The following TRIO variants were observed in gnomAD, a reference collection of about 807,000 sequenced individuals.
TRIO encodes trio Rho guanine nucleotide exchange factor.
In TRIO, 58 loss-of-function variants were observed where a neutral mutation model predicts 351.9. The ratio of observed to expected loss-of-function variants is 0.16; its 90% CI spans 0.13 to 0.21. The LOEUF (loss-of-function observed/expected upper bound fraction) is 0.21. TRIO is among the 10% of genes least tolerant of loss of function. The pLI is 1.00. For synonymous variants in TRIO, 1,758 were observed against 1,595.7 expected (o/e 1.10, Z -2.42); for missense variants, 3,201 against 4,027.8 (o/e 0.79, Z 5.56).
chr5:14,508,464 C>G lies in TRIO; in HGVS notation c.*42C>G. 1 of 1,541,174 alleles carries G rather than the reference C, an allele frequency of 6.5e-7. No individual in the cohort carries two copies. Among genetic ancestry groups the G allele is most frequent in the Non-Finnish European group, 8.7e-7 (1 of 1,144,706 alleles). ...TTCTCATTCTCTTTCACCTGCCAATCAGCTGTTAATCTGAATTTTCAAGAG... is the reference window on the plus strand; with the variant it reads ...TTCTCATTCTCTTTCACCTGCCAATGAGCTGTTAATCTGAATTTTCAAGAG... On this transcript the variant is annotated 3_prime_UTR_variant, in exon 57 of 57. Transcript: ENST00000344204.
At position 14,494,318 on chromosome 5, in the gene TRIO, G is replaced by A. The variant is rs1471716533; in HGVS notation, c.7880+1504G>A. On this transcript the variant is annotated intron_variant, in intron 49 of 56. Transcript: ENST00000344204. ...CTGCTGTGGTAGAGGCATCTACTCTGCCTGTGCTCTAGAAATGGAACAACA... is the reference window on the plus strand; with the variant it reads ...CTGCTGTGGTAGAGGCATCTACTCTACCTGTGCTCTAGAAATGGAACAACA... Among the ~76,000 whole-genome samples the A allele has an allele frequency of 2.0e-5, 3 of 152,166 alleles. No individual in the cohort carries two copies. In the South Asian group the frequency reaches 6.2e-4, roughly 32 times the overall value.
chr5:14,179,962 G>A (rs927631565), intron 1 of TRIO, among the ~76,000 whole-genome samples: 15 of 151,850 alleles, frequency 9.9e-5, no homozygotes, highest in African/African-American at 2.9e-4. Context: ...TTAGCTGGGC[G>A]TGGTGGCACG....
chr5:14,331,888 G>A (rs1016259784), intron 10 of TRIO, among the ~76,000 whole-genome samples: 9 of 152,184 alleles, frequency 5.9e-5, no homozygotes, highest in Non-Finnish European at 1.0e-4. Flanking sequence ...AATAGCCATC[G>A]TGCATTTTCA....
chr5:14,246,423 G>A lies in TRIO; in HGVS notation c.158-24402G>A, dbSNP rs140061420. 4.4e-4 allele frequency among the ~76,000 whole-genome samples: 67 copies of A among 152,288 alleles called. 1 individual carries two copies. The East Asian group carries it at 0.01, about 24-fold the overall frequency. On this transcript the variant is annotated intron_variant, in intron 1 of 56. Coordinates refer to ENST00000344204, the MANE Select transcript of TRIO (RefSeq NM_007118.4). ...ACCTCTTTACTGGAACTTGGAAAGC[G>A]CAGCCAGGAATAGGCTTCACTTTCC...
intron 3 of TRIO, among the ~76,000 whole-genome samples, chr5:14,282,502 TATTC>T (rs1212264978): frequency 6.6e-6 from 1 of 152,112 alleles, no homozygotes; most frequent in Admixed American, 6.5e-5. Context: ...TATTAAAAAT[TATTC>T]ATTTAATTGA....
intron 48 of TRIO, chr5:14,489,043 G>GC (rs1381610880): frequency 1.3e-6 from 1 of 765,274 alleles, no homozygotes; most frequent in East Asian, 2.4e-5. Flanking sequence ...AGATGGCCTG[G>GC]CCCGTAACAC....
At chr5:14,283,669 T>G (rs1736199993) in intron 3 of TRIO, among the ~76,000 whole-genome samples, 1 of 152,218 alleles carries the variant, frequency 6.6e-6, no homozygotes, top group Non-Finnish European at 1.5e-5. Flanking sequence ...CTAGATTGTC[T>G]GGGTCCGGCA....
intron 28 of TRIO, among the ~76,000 whole-genome samples, chr5:14,395,333 A>C (rs1001506973): frequency 2.0e-5 from 3 of 152,194 alleles, no homozygotes. Flanking sequence ...TTCATATTCA[A>C]ATTTGTCCTT....
At chr5:14,345,571 T>A (rs1023952033) in intron 11 of TRIO, among the ~76,000 whole-genome samples, 1 of 151,990 alleles carries the variant, frequency 6.6e-6, no homozygotes, top group East Asian at 1.9e-4. Context: ...AATAGCCCTG[T>A]TTTTTTTGAG....
chr5:14,427,601 A>T (rs1041009206), intron 34 of TRIO, among the ~76,000 whole-genome samples: 7 of 152,184 alleles, frequency 4.6e-5, no homozygotes, highest in Non-Finnish European at 8.8e-5. Context: ...GGCAGTTGAC[A>T]GAGGGATGCC....
At chr5:14,285,084 C>G (rs766869906) in intron 3 of TRIO, among the ~76,000 whole-genome samples, 9 of 152,148 alleles carry the variant, frequency 5.9e-5, no homozygotes, top group Non-Finnish European at 1.0e-4. Flanking sequence ...CCATTTGCCT[C>G]TAGGTTTCAT....
chr5:14,424,601 A>C (rs1750482672), intron 34 of TRIO, among the ~76,000 whole-genome samples: 1 of 152,198 alleles, frequency 6.6e-6, no homozygotes, highest in Non-Finnish European at 1.5e-5. Context: ...AATCTGTGCC[A>C]AAAACAGTCC....
At chr5:14,478,838 T>C (rs895236001) in intron 41 of TRIO, among the ~76,000 whole-genome samples, 3 of 151,500 alleles carry the variant, frequency 2.0e-5, no homozygotes, top group African/African-American at 7.3e-5. Context: ...GATGCACATC[T>C]GTAATCCTAG....
At chr5:14,144,347 C>T (rs1239484715) in intron 1 of TRIO, among the ~76,000 whole-genome samples, 2 of 152,196 alleles carry the variant, frequency 1.3e-5, no homozygotes. Context: ...GTGCCTGTCT[C>T]TGGCTGATTT....
At chr5:14,447,619 G>A (rs1216782110) in intron 34 of TRIO, among the ~76,000 whole-genome samples, 2 of 152,128 alleles carry the variant, frequency 1.3e-5, no homozygotes, top group Non-Finnish European at 2.9e-5. Context: ...AAAAATCTGC[G>A]TATAGCCCCC....
In TRIO at chr5:14,318,482, C is replaced by G. The variant is rs115570248; in HGVS notation, c.1731+1739C>G. On this transcript the variant is annotated intron_variant, in intron 9 of 56. Coordinates refer to ENST00000344204, the MANE Select transcript of TRIO (RefSeq NM_007118.4). ...AAAAAAAAAAAAAAAGACTGAATGGCCCTGTAATTTTTAATTTTCATATAC... is the reference window on the plus strand; with the variant it reads ...AAAAAAAAAAAAAAAGACTGAATGGGCCTGTAATTTTTAATTTTCATATAC... 6.9e-3 allele frequency among the ~76,000 whole-genome samples: 1,049 copies of G among 150,990 alleles called. 16 individuals are homozygous for G. Among genetic ancestry groups the G allele is most frequent in the African/African-American group, 0.025 (1,011 of 41,058 alleles).
intron 11 of TRIO, among the ~76,000 whole-genome samples, chr5:14,349,096 TC>T (rs1742762047): frequency 6.6e-6 from 1 of 151,652 alleles, no homozygotes; most frequent in African/African-American, 2.4e-5. Flanking sequence ...TGTGTGTTTT[TC>T]CTGTGTGTAT....
At chr5:14,501,457 C>CA (rs1366054075) in intron 53 of TRIO, among the ~76,000 whole-genome samples, 1 of 152,216 alleles carries the variant, frequency 6.6e-6, no homozygotes, top group East Asian at 1.9e-4. Flanking sequence ...GTGGATCAGA[C>CA]ACGGGTTCAC....
In TRIO at chr5:14,454,925, G is replaced by GT. The variant is rs1753148366; in HGVS notation, c.5204-6094_5204-6093insT. Reference sequence around the variant, plus strand: ...GGGTTCGTGGGCTCACTGGCTTCAGGAGTGAAGCTGCAGACCTTCGCGGTG... The same window carrying GT: ...GGGTTCGTGGGCTCACTGGCTTCAGGTAGTGAAGCTGCAGACCTTCGCGGTG... On this transcript the variant is annotated intron_variant, in intron 34 of 56. Transcript: ENST00000344204. Among the ~76,000 whole-genome samples, 4 of 152,308 alleles carry GT rather than the reference G, an allele frequency of 2.6e-5. No individual in the cohort carries two copies. In the South Asian group the frequency reaches 8.3e-4, roughly 32 times the overall value.
Sources: allele counts gnomAD v4.1 joint callset (sites outside exome capture counted in the v4.1 genomes callset), GRCh38; gene constraint gnomAD v4.1.1; transcripts MANE v1.5; gene names NCBI Gene and HGNC (gene_info 2026-07-23, HGNC 2026-07-21).